The following NOTCH2NLC variants were observed in gnomAD, a reference collection of about 807,000 sequenced individuals.
The protein encoded by NOTCH2NLC is notch 2 N-terminal like C.
A neutral mutation model predicts 17.7 loss-of-function variants in NOTCH2NLC; 4 were observed. The ratio of observed to expected loss-of-function variants is 0.23; its 90% CI spans 0.11 to 0.52. The LOEUF (loss-of-function observed/expected upper bound fraction) is 0.52, where lower values mean the gene tolerates loss of function less well. NOTCH2NLC is among the 20% of genes least tolerant of loss of function. The pLI, the probability that NOTCH2NLC is intolerant of heterozygous loss-of-function variation, is 0.96. For missense variants in NOTCH2NLC, 57 were observed against 207.2 expected, an observed-to-expected ratio of 0.28 and a Z score of 4.45; for synonymous variants, 18 against 86.0, an observed-to-expected ratio of 0.21 and a Z score of 4.38.
chr1:149,409,299 C>T (rs1263186701), intron 1 of NOTCH2NLC, among the ~76,000 whole-genome samples: 2 of 149,430 alleles, frequency 1.3e-5, no homozygotes, highest in African/African-American at 4.9e-5. Flanking sequence ...AATTAAGTAT[C>T]TCTGATTTAA....
At chr1:149,409,237 T>C (rs1416354810) in intron 1 of NOTCH2NLC, 1 of 151,146 alleles carries the variant, frequency 6.6e-6, no homozygotes, top group Non-Finnish European at 1.5e-5. Flanking sequence ...TAAAGGAATA[T>C]TTATGGCTTT....
chr1:149,467,339 T>A lies in NOTCH2NLC; in HGVS notation c.*3186T>A, dbSNP rs1471213174. ...CTATATTTAAATGGTTAATTTACAA[T>A]TTTTTCCCTGCAAAGGATACTGTAG... On this transcript the variant is annotated 3_prime_UTR_variant, in exon 5 of 5. Transcript: ENST00000650865. 7.2e-6 allele frequency: 1 copy of A among 139,656 alleles called. No individual in the cohort carries two copies. Among genetic ancestry groups the A allele is most frequent in the African/African-American group, 2.7e-5 (1 of 37,604 alleles). 8.7% of individuals were successfully genotyped at this position (139,656 alleles called of 1,614,324 possible).
chr1:149,424,779 G>A (rs1250766574), intron 1 of NOTCH2NLC, among the ~76,000 whole-genome samples: 3 of 151,146 alleles, frequency 2.0e-5, no homozygotes, highest in African/African-American at 7.3e-5. Flanking sequence ...TCTGGTGAGG[G>A]CCCAAAAAAC....
intron 2 of NOTCH2NLC, among the ~76,000 whole-genome samples, chr1:149,437,657 G>T (rs2084490082): frequency 6.9e-6 from 1 of 144,720 alleles, no homozygotes; most frequent in Non-Finnish European, 1.5e-5. Flanking sequence ...TAGAGACGGG[G>T]TTTCACTGTG....
At chr1:149,460,201 C>T (rs2084633928) in intron 3 of NOTCH2NLC, among the ~76,000 whole-genome samples, 1 of 145,450 alleles carries the variant, frequency 6.9e-6, no homozygotes, top group Admixed American at 6.9e-5. Context: ...GGGGCATATA[C>T]CCACTTAAAA....
chr1:149,400,705 T>A (rs2084240308), intron 1 of NOTCH2NLC, among the ~76,000 whole-genome samples: 1 of 143,622 alleles, frequency 7.0e-6, no homozygotes, highest in African/African-American at 2.6e-5. Flanking sequence ...TAAAAAAATA[T>A]GTTGGAGAAA....
At chr1:149,448,438 C>CAT (rs1255440832) in intron 2 of NOTCH2NLC, among the ~76,000 whole-genome samples, 1 of 99,318 alleles carries the variant, frequency 1.0e-5, no homozygotes, top group Non-Finnish European at 2.0e-5. Flanking sequence ...GTTCAAAAAA[C>CAT]ATGTGCTACA....
At position 149,460,907 on chromosome 1, in the gene NOTCH2NLC, C is replaced by G. The variant is rs2084645153; in HGVS notation, c.470-2584C>G. On this transcript the variant is annotated intron_variant, in intron 3 of 4. Transcript: ENST00000650865. ...TCTTTCTTTCTTTCTTTCTTTCTTTCTTTCTTTCTCTCTCTTTCTCTCTTT... is the reference window on the plus strand; with the variant it reads ...TCTTTCTTTCTTTCTTTCTTTCTTTGTTTCTTTCTCTCTCTTTCTCTCTTT... Among the ~76,000 whole-genome samples, 2 of 118,686 alleles carry G rather than the reference C, an allele frequency of 1.7e-5. 1 individual carries two copies. The highest frequency in any genetic ancestry group is 3.7e-5 in the Non-Finnish European group (2 of 54,328). 77.9% of individuals were successfully genotyped at this position (118,686 alleles called of 152,430 possible).
rs1553702689 is a variant in NOTCH2NLC, at chr1:149,390,826, C to CGGCGGCGGAGGAGGCGGAGGA, written c.44_45insCGGAGGAGGCGGAGGAGGCGG (p.Gly12_Gly18dup). On this transcript the variant is annotated inframe_insertion, in exon 1 of 5. Transcript: ENST00000650865. The stretch of plus-strand genomic sequence containing the variant: ...CAGGCGGCGGCGGCGGCGGCGGCGG[C>CGGCGGCGGAGGAGGCGGAGGA]GGCGGAGGAGGCGGCGACCGAGAAG... 2.3e-6 allele frequency: 3 copies of CGGCGGCGGAGGAGGCGGAGGA among 1,329,176 alleles called. No homozygotes were observed. In the African/African-American group the frequency reaches 4.8e-5, roughly 21 times the overall value. The allele number at this position is 1,329,176 out of a possible 1,614,324, so 82.3% of individuals were successfully genotyped here. A position where few individuals can be genotyped will look rare whatever the true frequency, so the allele number is the denominator to read the frequency against.
Position 149,451,613 on chromosome 1 carries a change from CTG to C in NOTCH2NLC, c.210-3703_210-3702del, listed in dbSNP as rs1362475335. Among the ~76,000 whole-genome samples the C allele has an allele frequency of 1.6e-3, 241 of 150,004 alleles. 6 individuals carry two copies. The highest frequency in any genetic ancestry group is 0.01 in the Middle Eastern group (3 of 288). On this transcript the variant is annotated intron_variant, in intron 2 of 4. Coordinates refer to ENST00000650865, the MANE Select transcript of NOTCH2NLC (RefSeq NM_001364013.2). ...GTACACGGGCTTTAGGAGAGTAAGT[CTG>C]TTGTACCTCATATGTAAGTATTATC... is the stretch of plus-strand genomic sequence containing the variant.
At position 149,445,901 on chromosome 1, in the gene NOTCH2NLC, TAAAAAAAAAAAA is replaced by T. The variant is rs1182076544; in HGVS notation, c.210-9404_210-9393del. 9.6e-5 allele frequency among the ~76,000 whole-genome samples: 7 copies of T among 72,618 alleles called. No individual in the cohort carries two copies. In the East Asian group the frequency reaches 2.8e-3, roughly 29 times the overall value. 47.6% of individuals were successfully genotyped at this position (72,618 alleles called of 152,430 possible). On this transcript the variant is annotated intron_variant, in intron 2 of 4. Coordinates refer to ENST00000650865, the MANE Select transcript of NOTCH2NLC (RefSeq NM_001364013.2). The stretch of plus-strand genomic sequence containing the variant: ...TTTTTGAATGGCCAAATCCTCGTTT[TAAAAAAAAAAAA>T]AAAAAAAAAAAAGCTAAAGACAGAG...
At chr1:149,423,536 CTT>C (rs2084391124) in intron 1 of NOTCH2NLC, among the ~76,000 whole-genome samples, 1 of 148,320 alleles carries the variant, frequency 6.7e-6, no homozygotes, top group Non-Finnish European at 1.5e-5. Context: ...TTTTAGAAAA[CTT>C]TGCTTTGTTC....
chr1:149,449,852 A>G (rs1227168603), intron 2 of NOTCH2NLC, among the ~76,000 whole-genome samples: 1 of 150,974 alleles, frequency 6.6e-6, no homozygotes, highest in Non-Finnish European at 1.5e-5. Context: ...ACGGATTTGC[A>G]TATTCTGGAC....
In NOTCH2NLC at chr1:149,395,779, A is replaced by G. The variant is rs1218324719; in HGVS notation, c.135+4857A>G. Among the ~76,000 whole-genome samples, 325 of 144,646 alleles carry G rather than the reference A, an allele frequency of 2.2e-3. 3 individuals are homozygous for G. The highest frequency in any genetic ancestry group is 8.0e-3 in the African/African-American group (313 of 39,302). The allele number at this position is 144,646 out of a possible 152,430, so 94.9% of individuals were successfully genotyped here. ...GTTGGATATTGCAAACTTGTACTGG[A>G]TTGAGAGAATATGTACATTTAGTAA... On this transcript the variant is annotated intron_variant, in intron 1 of 4. Transcript: ENST00000650865.
intron 1 of NOTCH2NLC, among the ~76,000 whole-genome samples, chr1:149,395,542 A>C (rs1439622840): frequency 1.3e-5 from 2 of 150,192 alleles, no homozygotes; most frequent in Admixed American, 1.3e-4. Context: ...ACTGCCACCC[A>C]CCCCCTGCCT....
At chr1:149,428,662 G>T (rs2101487165) in intron 1 of NOTCH2NLC, among the ~76,000 whole-genome samples, 1 of 149,448 alleles carries the variant, frequency 6.7e-6, no homozygotes, top group Non-Finnish European at 1.5e-5. Context: ...TGTCGCTGGT[G>T]GATCACAGGG....
At chr1:149,430,122 C>T (rs1352473969) in intron 1 of NOTCH2NLC, among the ~76,000 whole-genome samples, 1 of 147,110 alleles carries the variant, frequency 6.8e-6, no homozygotes, top group Non-Finnish European at 1.5e-5. Flanking sequence ...AAAATGTCTA[C>T]TATTGCTGTT....
intron 1 of NOTCH2NLC, among the ~76,000 whole-genome samples, chr1:149,427,492 CTTTTTTTTTTTT>C (rs1171198772): frequency 2.3e-5 from 2 of 87,314 alleles, no homozygotes; most frequent in African/African-American, 9.6e-5. Context: ...TCTACCACAG[CTTTTTTTTTTTT>C]TTTTTTTTTT....
intron 2 of NOTCH2NLC, among the ~76,000 whole-genome samples, chr1:149,442,058 G>A (rs1308930340): frequency 5.4e-5 from 8 of 148,588 alleles, no homozygotes; most frequent in African/African-American, 1.7e-4. Context: ...GTCAGTTTTA[G>A]CCTTGTATAA....
Sources: allele counts gnomAD v4.1 joint callset (sites outside exome capture counted in the v4.1 genomes callset), GRCh38; gene constraint gnomAD v4.1.1; transcripts MANE v1.5; gene names NCBI Gene and HGNC (gene_info 2026-07-23, HGNC 2026-07-21).